The following RAP1GAP2 variants were observed in gnomAD, a reference collection of about 807,000 sequenced individuals.
RAP1GAP2 encodes the protein RAP1 GTPase activating protein 2, also known as rap1 GTPase-activating protein 2.
RAP1GAP2 carries 27 observed loss-of-function variants against 95.0 expected under a neutral mutation model. The observed-to-expected ratio is 0.28, with a 90% confidence interval of 0.21 to 0.39. The LOEUF (loss-of-function observed/expected upper bound fraction) is 0.39, where lower values mean the gene tolerates loss of function less well. RAP1GAP2 is among the 10% of genes least tolerant of loss of function. The pLI is 1.00. For missense variants in RAP1GAP2, 771 were observed against 970.0 expected, an observed-to-expected ratio of 0.79 and a Z score of 2.72; for synonymous variants, 373 against 380.9, an observed-to-expected ratio of 0.98 and a Z score of 0.24.
intron 2 of RAP1GAP2, among the ~76,000 whole-genome samples, chr17:2,875,630 G>T (rs1233063294): frequency 6.6e-6 from 1 of 152,164 alleles, no homozygotes; most frequent in East Asian, 1.9e-4. Flanking sequence ...GCCTGACCGT[G>T]ACAGGAGGAT....
intron 2 of RAP1GAP2, among the ~76,000 whole-genome samples, chr17:2,822,131 G>C (rs1432415697): frequency 6.6e-6 from 1 of 152,144 alleles, no homozygotes; most frequent in Non-Finnish European, 1.5e-5. Context: ...CCCATGGTCA[G>C]CACCCAGTTC....
Position 3,017,931 on chromosome 17 carries a change from G to GTA in RAP1GAP2, c.1495-129_1495-128insAT, listed in dbSNP as rs879804872. On this transcript the variant is annotated intron_variant, in intron 17 of 24. Coordinates refer to ENST00000254695, the MANE Select transcript of RAP1GAP2 (RefSeq NM_015085.5). Reference sequence around the variant, plus strand: ...CCTCTGTGACCGTGTGTGTGTGTGTGTGTGTGTGTGTGTGTGTATGTGTGC... The same window carrying GTA: ...CCTCTGTGACCGTGTGTGTGTGTGTGTATGTGTGTGTGTGTGTGTATGTGTGC... 1.5e-3 allele frequency: 1,219 copies of GTA among 788,412 alleles called. 9 individuals are homozygous for GTA. In the African/African-American group the frequency reaches 0.02, roughly 13 times the overall value. 48.8% of individuals were successfully genotyped at this position (788,412 alleles called of 1,614,324 possible).
chr17:2,935,315 C>A (rs1326036591), intron 3 of RAP1GAP2, among the ~76,000 whole-genome samples: 4 of 152,200 alleles, frequency 2.6e-5, no homozygotes, highest in Non-Finnish European at 2.9e-5. Flanking sequence ...CAAGACCAGA[C>A]TGACCAACAT....
intron 1 of RAP1GAP2, among the ~76,000 whole-genome samples, chr17:2,758,655 T>C (rs1477920669): frequency 6.6e-6 from 1 of 152,206 alleles, no homozygotes; most frequent in Non-Finnish European, 1.5e-5. Context: ...CCAGCCATGC[T>C]CCAGCTGTGG....
At chr17:2,933,174 G>T (rs968435046) in intron 3 of RAP1GAP2, among the ~76,000 whole-genome samples, 17 of 152,252 alleles carry the variant, frequency 1.1e-4, no homozygotes, top group African/African-American at 3.9e-4. Flanking sequence ...GGGCGGGTGA[G>T]CAAGTTGGAA....
Position 2,828,949 on chromosome 17 carries a change from G to T in RAP1GAP2, c.80+28399G>T, listed in dbSNP as rs77431087. ...TCCTCCCTCTCTCATTGCTCCCTGG[G>T]GGGGCAGGTTCCTGTCTCAAAGATT... On this transcript the variant is annotated intron_variant, in intron 2 of 24. Coordinates refer to ENST00000254695, the MANE Select transcript of RAP1GAP2 (RefSeq NM_015085.5). 2.6e-3 allele frequency among the ~76,000 whole-genome samples: 396 copies of T among 150,404 alleles called. 6 individuals carry two copies. The East Asian group carries it at 0.034, about 13-fold the overall frequency.
intron 2 of RAP1GAP2, among the ~76,000 whole-genome samples, chr17:2,820,449 C>T (rs954300822): frequency 2.0e-5 from 3 of 151,952 alleles, no homozygotes; most frequent in Non-Finnish European, 4.4e-5. Flanking sequence ...GGCAAAACCC[C>T]GTCTCTACTA....
Position 2,800,835 on chromosome 17 carries a change from TTTTC to T in RAP1GAP2, c.80+305_80+308del, listed in dbSNP as rs139546870. On this transcript the variant is annotated intron_variant, in intron 2 of 24. Transcript: ENST00000254695. ...CCATTATTCTTTTTTTTCTTTTTCTTTTTCTTTCTTTCTTTCTTTCTTTTTTTTT... is the reference window on the plus strand; with the variant it reads ...CCATTATTCTTTTTTTTCTTTTTCTTTTTCTTTCTTTCTTTCTTTTTTTTT... Among the ~76,000 whole-genome samples, 1,314 of 138,904 alleles carry T rather than the reference TTTTC, an allele frequency of 9.5e-3. 36 individuals are homozygous for T. The highest frequency in any genetic ancestry group is 0.023 in the Middle Eastern group (6 of 264). 91.1% of individuals were successfully genotyped at this position (138,904 alleles called of 152,430 possible).
At chr17:2,900,998 G>C (rs2042009047) in intron 2 of RAP1GAP2, among the ~76,000 whole-genome samples, 1 of 152,230 alleles carries the variant, frequency 6.6e-6, no homozygotes. Flanking sequence ...CTGCAGGCCT[G>C]GGTGCTGTCA....
chr17:3,032,724 G>A, intron 24 of RAP1GAP2, among the ~76,000 whole-genome samples: 1 of 150,096 alleles, frequency 6.7e-6, no homozygotes, highest in East Asian at 1.9e-4. Flanking sequence ...GCAGGCAGAA[G>A]GGGAGTCGCC....
intron 2 of RAP1GAP2, among the ~76,000 whole-genome samples, chr17:2,814,850 G>T (rs899128065): frequency 5.3e-5 from 8 of 152,126 alleles, no homozygotes; most frequent in Admixed American, 6.5e-5. Context: ...GGGGTGTTGG[G>T]GGGGAGGGTT....
At chr17:2,970,138 G>T (rs2044793255) in intron 8 of RAP1GAP2, among the ~76,000 whole-genome samples, 1 of 151,734 alleles carries the variant, frequency 6.6e-6, no homozygotes, top group Non-Finnish European at 1.5e-5. Flanking sequence ...GCCGGGCGTG[G>T]TGACATGCAC....
intron 2 of RAP1GAP2, among the ~76,000 whole-genome samples, chr17:2,875,485 GAGTGATGGCGTCC>G (rs2073055567): frequency 6.6e-6 from 1 of 152,174 alleles, no homozygotes; most frequent in African/African-American, 2.4e-5. Flanking sequence ...TCTAGGGTCT[GAGTGATGGCGTCC>G]AGTGTATGGC....
rs560454471 is a variant in RAP1GAP2, at chr17:2,974,453, T to C, written c.597-5834T>C. Among the ~76,000 whole-genome samples, 3 of 152,204 alleles carry C rather than the reference T, an allele frequency of 2.0e-5. No individual in the cohort carries two copies. In the South Asian group the frequency reaches 6.2e-4, roughly 32 times the overall value. On this transcript the variant is annotated intron_variant, in intron 8 of 24. Transcript: ENST00000254695. ...CAGACATAAAAAAATGGAGGGAATGTCCCACTCGGGCTCTTTCTGAAAGAA... is the reference window on the plus strand; with the variant it reads ...CAGACATAAAAAAATGGAGGGAATGCCCCACTCGGGCTCTTTCTGAAAGAA...
intron 1 of RAP1GAP2, among the ~76,000 whole-genome samples, chr17:2,784,517 C>T (rs1417594870): frequency 2.0e-5 from 3 of 152,228 alleles, no homozygotes; most frequent in East Asian, 3.9e-4. Context: ...GTGATCCGCC[C>T]GACTCGGCAT....
chr17:2,976,681 A>G (rs2045134323), intron 8 of RAP1GAP2, among the ~76,000 whole-genome samples: 1 of 152,070 alleles, frequency 6.6e-6, no homozygotes, highest in African/African-American at 2.4e-5. Flanking sequence ...AAGGAAGGAA[A>G]TAAAAAAGAC....
In RAP1GAP2 at chr17:2,857,628, G is replaced by T. The variant is rs2072198769; in HGVS notation, c.81-47656G>T. ...GCGTGTCTGAGAGGGGATTGGGTTT[G>T]AGTATGGCTCCCAGGAGACACCTGG... On this transcript the variant is annotated intron_variant, in intron 2 of 24. Coordinates refer to ENST00000254695, the MANE Select transcript of RAP1GAP2 (RefSeq NM_015085.5). This position sits in a 1 kb window ranked among gnomAD's most constrained non-coding sequence, Gnocchi z 4.0. Among the ~76,000 whole-genome samples, 1 of 152,208 alleles carries T rather than the reference G, an allele frequency of 6.6e-6. No individual in the cohort carries two copies. Among genetic ancestry groups the T allele is most frequent in the Non-Finnish European group, 1.5e-5 (1 of 68,036 alleles).
At chr17:2,859,529 G>A (rs1302607809) in intron 2 of RAP1GAP2, among the ~76,000 whole-genome samples, 2 of 152,100 alleles carry the variant, frequency 1.3e-5, no homozygotes, top group East Asian at 3.8e-4. Context: ...TCCGCCTCCT[G>A]GGCTCGAGTG....
chr17:2,846,442 A>G (rs1189279959), intron 2 of RAP1GAP2, among the ~76,000 whole-genome samples: 1 of 151,798 alleles, frequency 6.6e-6, no homozygotes, highest in Non-Finnish European at 1.5e-5. Context: ...ATGGAATCTC[A>G]CTCTGTCACT....
Sources: allele counts gnomAD v4.1 joint callset (sites outside exome capture counted in the v4.1 genomes callset), GRCh38; gene constraint gnomAD v4.1.1; non-coding constraint Gnocchi (gnomAD v3.1); transcripts MANE v1.5; gene names NCBI Gene and HGNC (gene_info 2026-07-23, HGNC 2026-07-21).